The following LRRC8B variants were observed in gnomAD, a reference collection of about 807,000 sequenced individuals.
The protein encoded by LRRC8B is volume-regulated anion channel subunit LRRC8B.
In LRRC8B, 23 loss-of-function variants were observed where a neutral mutation model predicts 58.8. That is an observed-to-expected ratio of 0.39 (90% CI 0.28 to 0.55). The LOEUF (loss-of-function observed/expected upper bound fraction) is 0.55, where lower values mean the gene tolerates loss of function less well. LRRC8B is among the 20% of genes least tolerant of loss of function. The probability of loss-of-function intolerance (pLI) is 0.62; values close to 1 mark genes in which losing one functional copy is unlikely to be tolerated. For synonymous variants in LRRC8B, 359 were observed against 374.1 expected (o/e 0.96, Z 0.47); for missense variants, 694 against 936.0 (o/e 0.74, Z 3.37).
intron 5 of LRRC8B, among the ~76,000 whole-genome samples, chr1:89,589,646 C>G (rs1032509798): frequency 1.3e-5 from 2 of 149,752 alleles, no homozygotes; most frequent in Non-Finnish European, 3.0e-5. Context: ...ATCTATGTGA[C>G]ACTGGGTTTT....
chr1:89,570,231 G>A (rs1294727875), intron 3 of LRRC8B, among the ~76,000 whole-genome samples: 1 of 152,118 alleles, frequency 6.6e-6, no homozygotes, highest in Non-Finnish European at 1.5e-5. Flanking sequence ...CTTTGGGTAT[G>A]TGCCCAGTAA....
At chr1:89,526,470 C>G (rs1649709301) in intron 1 of LRRC8B, among the ~76,000 whole-genome samples, 1 of 152,208 alleles carries the variant, frequency 6.6e-6, no homozygotes, top group Non-Finnish European at 1.5e-5. Context: ...CCACCTCGGC[C>G]TCCCAAAGTG....
In LRRC8B at chr1:89,577,250, T is replaced by C. The variant is rs181352130; in HGVS notation, c.-124-2341T>C. ...ATCATCATTTGTTTATTTTTTCACT[T>C]GTTATTTTAGAAATGCTTTCAAAGT... On this transcript the variant is annotated intron_variant, in intron 3 of 5. Coordinates refer to ENST00000330947, the MANE Select transcript of LRRC8B (RefSeq NM_001369817.2). Among the ~76,000 whole-genome samples the C allele has an allele frequency of 4.1e-4, 63 of 152,324 alleles. 1 individual carries two copies. The East Asian group carries it at 7.3e-3, about 18-fold the overall frequency.
At position 89,597,307 on chromosome 1, in the gene LRRC8B, T is replaced by G. The variant is rs1655345051; in HGVS notation, c.*4264T>G. 1 of 152,220 alleles carries G rather than the reference T, an allele frequency of 6.6e-6. No individual in the cohort carries two copies. The highest frequency in any genetic ancestry group is 1.9e-4 in the East Asian group (1 of 5,204). 9.4% of individuals were successfully genotyped at this position (152,220 alleles called of 1,614,324 possible). On this transcript the variant is annotated 3_prime_UTR_variant, in exon 6 of 6. Transcript: ENST00000330947. ...AGTACTGAGTCGAGATGGCTTTCAG[T>G]TGAGTTTAATTTCATATTTAACTTT...
At chr1:89,551,314 C>T (rs997227926) in intron 1 of LRRC8B, among the ~76,000 whole-genome samples, 30 of 152,210 alleles carry the variant, frequency 2.0e-4, no homozygotes, top group Non-Finnish European at 3.4e-4. Flanking sequence ...AGCTCTTGCT[C>T]ACCAGCCATG....
Position 89,593,192 on chromosome 1 carries a change from T to C in LRRC8B, c.*149T>C. 1 of 690,152 alleles carries C rather than the reference T, an allele frequency of 1.4e-6. No individual in the cohort carries two copies. The highest frequency in any genetic ancestry group is 2.4e-6 in the Non-Finnish European group (1 of 415,884). 42.8% of individuals were successfully genotyped at this position (690,152 alleles called of 1,614,324 possible). On this transcript the variant is annotated 3_prime_UTR_variant, in exon 6 of 6. Coordinates refer to ENST00000330947, the MANE Select transcript of LRRC8B (RefSeq NM_001369817.2). Reference sequence around the variant, plus strand: ...GAGTTCGAGACCAGTCTGGCCAACCTGGTGAAACCCCATCTCTGCTAAAAC... The same window carrying C: ...GAGTTCGAGACCAGTCTGGCCAACCCGGTGAAACCCCATCTCTGCTAAAAC...
chr1:89,540,197 T>G (rs1650852710), intron 1 of LRRC8B, among the ~76,000 whole-genome samples: 1 of 152,228 alleles, frequency 6.6e-6, no homozygotes, highest in Admixed American at 6.5e-5. Flanking sequence ...TTTTTATGTT[T>G]AGGGACCTGT....
rs763014600 is a variant in LRRC8B, at chr1:89,584,730, A to G, written c.2080A>G (p.Ile694Val). The change falls in exon 5 of 6, where the codon ATT becomes GTT. Residue 694 changes from isoleucine (I) to valine (V), a missense_variant. Ile to Val is a conservative substitution (Grantham distance 29, BLOSUM62 3). Coordinates refer to ENST00000330947, the MANE Select transcript of LRRC8B (RefSeq NM_001369817.2). Reference protein sequence around the residue: ...LDLSYNHLTFIPEEIQYLSNL... With the variant: ...LDLSYNHLTFVPEEIQYLSNL... ...TCTAAGCTATAACCACTTGACCTTC[A>G]TTCCAGAAGAAATCCAGTATCTGAG... is the stretch of plus-strand genomic sequence containing the variant. The G allele has an allele frequency of 1.9e-6, 3 of 1,612,530 alleles. No homozygotes were observed. The highest frequency in any genetic ancestry group is 2.5e-6 in the Non-Finnish European group (3 of 1,179,602).
intron 1 of LRRC8B, among the ~76,000 whole-genome samples, chr1:89,530,292 G>A (rs1650023036): frequency 6.6e-6 from 1 of 151,826 alleles, no homozygotes; most frequent in Non-Finnish European, 1.5e-5. Flanking sequence ...CCGGGAGGCG[G>A]AGCTTGCAGT....
chr1:89,525,732 G>C (rs1649640828), intron 1 of LRRC8B, among the ~76,000 whole-genome samples: 1 of 152,170 alleles, frequency 6.6e-6, no homozygotes, highest in Admixed American at 6.5e-5. Context: ...AAAGTCCATA[G>C]ATTGCCTTTA....
intron 1 of LRRC8B, among the ~76,000 whole-genome samples, chr1:89,550,873 G>T (rs1651753632): frequency 6.6e-6 from 1 of 151,964 alleles, no homozygotes; most frequent in African/African-American, 2.4e-5. Context: ...CATTTCCCCC[G>T]GCCCCCGATC....
intron 1 of LRRC8B, among the ~76,000 whole-genome samples, chr1:89,549,656 G>A (rs1448327245): frequency 2.0e-5 from 3 of 152,098 alleles, no homozygotes; most frequent in African/African-American, 7.2e-5. Flanking sequence ...ATATGTGGGT[G>A]TTTTCGAACA....
intron 5 of LRRC8B, among the ~76,000 whole-genome samples, chr1:89,589,784 A>AG (rs1430432369): frequency 6.6e-6 from 1 of 151,528 alleles, no homozygotes; most frequent in Non-Finnish European, 1.5e-5. Flanking sequence ...AAAAAAAAAA[A>AG]GGAAATCTGG....
chr1:89,585,520 G>A (rs933335896), intron 5 of LRRC8B, among the ~76,000 whole-genome samples: 1 of 152,226 alleles, frequency 6.6e-6, no homozygotes, highest in African/African-American at 2.4e-5. Context: ...AAAGGCAAGA[G>A]AGTGAGGCTA....
intron 4 of LRRC8B, 23 bp downstream of exon 4, chr1:89,579,711 C>T (rs1654087441): frequency 1.3e-5 from 2 of 152,454 alleles, no homozygotes; most frequent in African/African-American, 4.8e-5. Flanking sequence ...ATTTAAAACA[C>T]TTTTTTTGGT....
chr1:89,541,105 T>G (rs879488224), intron 1 of LRRC8B, among the ~76,000 whole-genome samples: 1 of 152,114 alleles, frequency 6.6e-6, no homozygotes, highest in Non-Finnish European at 1.5e-5. Context: ...GGGAAAAGAT[T>G]TGGGGGAAGT....
At chr1:89,527,016 A>G (rs1649752463) in intron 1 of LRRC8B, 1 of 152,238 alleles carries the variant, frequency 6.6e-6, no homozygotes, top group South Asian at 2.1e-4. Context: ...GCTTAATAAA[A>G]CTTAAAGGAT....
chr1:89,584,240 G>A lies in LRRC8B; in HGVS notation c.1590G>A (p.Gln530=). The A allele has an allele frequency of 6.2e-7, 1 of 1,612,604 alleles. No homozygotes were observed. The highest frequency in any genetic ancestry group is 1.1e-5 in the South Asian group (1 of 91,084). Residue 530 remains glutamine, a synonymous_variant, in exon 5 of 6, where the codon CAG becomes CAA. Transcript: ENST00000330947. ...CVLPEQLSTM[Q]LEGFQDLKNL... Reference sequence around the variant, plus strand: ...TCCCTGAACAGTTGAGTACTATGCAGTTGGAGGGCTTTCAGGACTTAAAAA... The same window carrying A: ...TCCCTGAACAGTTGAGTACTATGCAATTGGAGGGCTTTCAGGACTTAAAAA...
chr1:89,573,312 A>C (rs1026517060), intron 3 of LRRC8B, among the ~76,000 whole-genome samples: 31 of 152,034 alleles, frequency 2.0e-4, no homozygotes, highest in African/African-American at 7.5e-4. Context: ...AAAAGAAAAA[A>C]AAAAAAAGAA....
Sources: allele counts gnomAD v4.1 joint callset (sites outside exome capture counted in the v4.1 genomes callset), GRCh38; gene constraint gnomAD v4.1.1; transcripts MANE v1.5; gene names NCBI Gene and HGNC (gene_info 2026-07-23, HGNC 2026-07-21).